MCTP2: variants seen among roughly 807,000 people sequenced by gnomAD.
MCTP2 encodes the protein multiple C2 and transmembrane domain containing 2, also known as multiple C2 and transmembrane domain-containing protein 2.
Under a neutral mutation model 111.6 loss-of-function variants are expected in MCTP2, and 132 were observed. The observed-to-expected ratio is 1.18, with a 90% CI of 1.03 to 1.37. The LOEUF is 1.37. Ranked by LOEUF, MCTP2 falls within the 40% of genes most tolerant of loss-of-function variation. The probability of loss-of-function intolerance (pLI) is 0.00; values close to 1 mark genes in which losing one functional copy is unlikely to be tolerated. For synonymous variants in MCTP2, 395 were observed against 387.7 expected, an observed-to-expected ratio of 1.02 and a Z score of -0.22; for missense variants, 1,183 against 1,067.9, an observed-to-expected ratio of 1.11 and a Z score of -1.50.
intron 2 of MCTP2, among the ~76,000 whole-genome samples, chr15:94,310,634 G>A (rs1036217089): frequency 8.6e-5 from 13 of 151,370 alleles, no homozygotes; most frequent in African/African-American, 2.4e-4. Context: ...CTGTGAGAAG[G>A]CATCTCTATA....
At chr15:94,232,067 T>G (rs2152197572) in intron 1 of MCTP2, 1 of 152,332 alleles carries the variant, frequency 6.6e-6, no homozygotes, top group African/African-American at 2.4e-5. Flanking sequence ...GAGGTTCAAC[T>G]TTAATTCTTT....
At chr15:94,397,106 C>CT (rs1003190877) in intron 14 of MCTP2, among the ~76,000 whole-genome samples, 1 of 152,098 alleles carries the variant, frequency 6.6e-6, no homozygotes, top group African/African-American at 2.4e-5. Flanking sequence ...AATTTTTAAA[C>CT]TTTTTACAGT....
chr15:94,298,752 C>T, intron 2 of MCTP2, 22 bp downstream of exon 2: 2 of 1,462,354 alleles, frequency 1.4e-6, no homozygotes, highest in Admixed American at 2.3e-5. Context: ...GCTGGGCTCT[C>T]TTTTTTTTTG....
intron 12 of MCTP2, among the ~76,000 whole-genome samples, chr15:94,380,664 A>T (rs1252768843): frequency 6.6e-6 from 1 of 151,860 alleles, no homozygotes; most frequent in African/African-American, 2.4e-5. Context: ...GCTACCTGAG[A>T]GGCTGAGGAG....
At chr15:94,431,801 A>G (rs550596789) in intron 17 of MCTP2, among the ~76,000 whole-genome samples, 4 of 152,268 alleles carry the variant, frequency 2.6e-5, no homozygotes, top group East Asian at 1.9e-4. Context: ...ATTATGCCCT[A>G]TACAATAGGA....
intron 12 of MCTP2, among the ~76,000 whole-genome samples, chr15:94,379,281 G>C (rs767012316): frequency 3.9e-5 from 6 of 152,084 alleles, no homozygotes; most frequent in Non-Finnish European, 7.4e-5. Flanking sequence ...ATAAGGATGG[G>C]TTATGTGGGG....
At chr15:94,299,923 T>A (rs2075519129) in intron 2 of MCTP2, among the ~76,000 whole-genome samples, 2 of 152,214 alleles carry the variant, frequency 1.3e-5, no homozygotes, top group Non-Finnish European at 2.9e-5. Flanking sequence ...CTTTAACTAT[T>A]TTTTTATTTG....
At chr15:94,256,974 C>G (rs551776012) in intron 1 of MCTP2, among the ~76,000 whole-genome samples, 27 of 152,286 alleles carry the variant, frequency 1.8e-4, no homozygotes, top group Middle Eastern at 6.8e-3. Context: ...TTCACCTCCT[C>G]TCCTCCCTGA....
At chr15:94,377,801 G>A (rs1218005530) in intron 12 of MCTP2, among the ~76,000 whole-genome samples, 1 of 152,102 alleles carries the variant, frequency 6.6e-6, no homozygotes, top group Non-Finnish European at 1.5e-5. Flanking sequence ...AGATACCGCA[G>A]GAAGTGATGT....
chr15:94,239,606 A>T (rs924839851), intron 1 of MCTP2, among the ~76,000 whole-genome samples: 8 of 152,262 alleles, frequency 5.3e-5, no homozygotes, highest in African/African-American at 1.9e-4. Flanking sequence ...CTATGTTTTG[A>T]ATTCTGTAGG....
Position 94,403,013 on chromosome 15 carries a change from C to T in MCTP2, c.2085+994C>T, listed in dbSNP as rs1348963820. ...ATGGGGGAAAAAAAACATTTATTAG[C>T]CCAAGAAGCCAATGGGTTCAAGGTC... On this transcript the variant is annotated intron_variant, in intron 17 of 22. Coordinates refer to ENST00000357742, the MANE Select transcript of MCTP2 (RefSeq NM_001385001.1). 3.0e-6 allele frequency: 3 copies of T among 996,638 alleles called. No homozygotes were observed. In the African/African-American group the frequency reaches 5.2e-5, roughly 17 times the overall value. 61.7% of individuals were successfully genotyped at this position (996,638 alleles called of 1,614,324 possible).
rs71132999 is a variant in MCTP2 at position 94,276,947 on chromosome 15, CAA to C, written c.-65-21236_-65-21235del. Among the ~76,000 whole-genome samples the C allele has an allele frequency of 6.5e-3, 769 of 118,740 alleles. 2 individuals carry two copies. The highest frequency in any genetic ancestry group is 0.022 in the African/African-American group (703 of 32,094). 77.9% of individuals were successfully genotyped at this position (118,740 alleles called of 152,430 possible). On this transcript the variant is annotated intron_variant, in intron 1 of 22. Transcript: ENST00000357742. ...ACTGTTACGTATTGAGTTGGAAGCC[CAA>C]AAAAAAAAAAAAAAAAATTAAGTGA...
intron 1 of MCTP2, among the ~76,000 whole-genome samples, chr15:94,289,701 C>A (rs1164646887): frequency 1.3e-5 from 2 of 151,968 alleles, no homozygotes; most frequent in Non-Finnish European, 2.9e-5. Flanking sequence ...TATAAGACAA[C>A]TTATGTATTA....
At chr15:94,356,581 A>C (rs2152424409) in intron 9 of MCTP2, among the ~76,000 whole-genome samples, 1 of 152,348 alleles carries the variant, frequency 6.6e-6, no homozygotes, top group South Asian at 2.1e-4. Context: ...GAAAATAAGC[A>C]AACTATGTTT....
intron 8 of MCTP2, among the ~76,000 whole-genome samples, chr15:94,353,672 T>A (rs962995387): frequency 6.6e-5 from 10 of 152,216 alleles, no homozygotes; most frequent in African/African-American, 1.7e-4. Context: ...CTGTCGGAAC[T>A]TTGAAGCATG....
chr15:94,274,750 T>G (rs375811514), intron 1 of MCTP2, among the ~76,000 whole-genome samples: 17 of 152,236 alleles, frequency 1.1e-4, no homozygotes, highest in African/African-American at 4.1e-4. Flanking sequence ...TATATACACA[T>G]GCATGCCAGA....
intron 4 of MCTP2, among the ~76,000 whole-genome samples, chr15:94,320,912 A>C (rs2076603279): frequency 6.6e-6 from 1 of 152,214 alleles, no homozygotes; most frequent in Non-Finnish European, 1.5e-5. Flanking sequence ...TTGGTCTACT[A>C]CTTGGCTTTG....
At chr15:94,415,624 C>T (rs1306231535) in intron 17 of MCTP2, among the ~76,000 whole-genome samples, 4 of 152,046 alleles carry the variant, frequency 2.6e-5, no homozygotes, top group East Asian at 3.9e-4. Flanking sequence ...AGGATTCCCT[C>T]GGTGCGTCCC....
chr15:94,252,800 G>A (rs1423077492), intron 1 of MCTP2, among the ~76,000 whole-genome samples: 1 of 152,072 alleles, frequency 6.6e-6, no homozygotes, highest in African/African-American at 2.4e-5. Flanking sequence ...ATGATATAAG[G>A]GAAACAGGTA....
Sources: gnomAD v4.1 joint callset for allele counts (sites outside exome capture counted in the v4.1 genomes callset) on GRCh38, gnomAD v4.1.1 for gene constraint, MANE v1.5 for transcripts, NCBI Gene and HGNC (gene_info 2026-07-23, HGNC 2026-07-21) for gene names.